The following HDX variants were observed in gnomAD, a reference collection of about 807,000 sequenced individuals.
The protein encoded by HDX is chromosome X open reading frame 43.
HDX carries 19 observed loss-of-function variants against 45.2 expected under a neutral mutation model. That is an observed-to-expected ratio of 0.42 (90% CI 0.29 to 0.62). The LOEUF is 0.62. Among genes scored for constraint, HDX ranks in the 20% least tolerant of loss-of-function variants. HDX has a pLI of 0.20. For synonymous variants in HDX, 188 were observed against 172.8 expected (o/e 1.09, Z -0.69); for missense variants, 532 against 493.9 (o/e 1.08, Z -0.73).
intron 5 of HDX, among the ~76,000 whole-genome samples, chrX:84,434,078 T>C (rs1282975807): frequency 1.8e-5 from 2 of 111,733 alleles, no homozygotes; most frequent in East Asian, 5.6e-4. Flanking sequence ...TTAAGAGTTT[T>C]GTGTTTGAGT....
At chrX:84,345,058 A>T (rs2037168113) in intron 6 of HDX, among the ~76,000 whole-genome samples, 1 of 110,730 alleles carries the variant, frequency 9.0e-6, no homozygotes. Context: ...TTGGCTCCAT[A>T]TTATTACCTT....
At chrX:84,454,981 A>G (rs1052178705) in intron 4 of HDX, among the ~76,000 whole-genome samples, 1 of 111,232 alleles carries the variant, frequency 9.0e-6, no homozygotes, top group Non-Finnish European at 1.9e-5. Flanking sequence ...GGCAGTACCT[A>G]TATGAGTCTG....
chrX:84,390,530 A>T (rs2038417345), intron 5 of HDX, among the ~76,000 whole-genome samples: 1 of 111,736 alleles, frequency 8.9e-6, no homozygotes, highest in South Asian at 3.7e-4. Flanking sequence ...CCTAGAATGG[A>T]TTTAAGAGCA....
intron 5 of HDX, among the ~76,000 whole-genome samples, chrX:84,435,843 G>C (rs1461342390): frequency 1.0e-5 from 1 of 95,916 alleles, no homozygotes; most frequent in South Asian, 5.6e-4. Flanking sequence ...CTGTAAACTA[G>C]TTCAACCATT....
intron 1 of HDX, among the ~76,000 whole-genome samples, chrX:84,501,987 A>G (rs960772584): frequency 8.9e-6 from 1 of 111,785 alleles, no homozygotes. Context: ...TAGAAGTGGT[A>G]GAATTCAATC....
At chrX:84,429,414 C>A (rs1290770124) in intron 5 of HDX, among the ~76,000 whole-genome samples, 1 of 110,300 alleles carries the variant, frequency 9.1e-6, no homozygotes, top group Non-Finnish European at 1.9e-5. Flanking sequence ...AGATTTATCC[C>A]TCAGTATTTC....
chrX:84,319,458 CT>C lies in HDX; in HGVS notation c.*2430del, dbSNP rs781430019. ...TAATTTCAATCTGGCAATTATGATTCTTTTTCTATAGATAGAGGTATTTCCT... is the reference window on the plus strand; with the variant it reads ...TAATTTCAATCTGGCAATTATGATTCTTTTCTATAGATAGAGGTATTTCCT... On this transcript the variant is annotated 3_prime_UTR_variant, in exon 11 of 11. Transcript: ENST00000373177. The C allele has an allele frequency of 4.5e-5, 5 of 111,565 alleles. No homozygotes were observed. In the South Asian group the frequency reaches 1.8e-3, roughly 41 times the overall value. The allele number at this position is 111,565 out of a possible 1,213,427, so 9.2% of individuals were successfully genotyped here.
intron 5 of HDX, among the ~76,000 whole-genome samples, chrX:84,431,308 A>G (rs111838845): frequency 0.087 from 9,604 of 110,565 alleles, 313 homozygotes; most frequent in South Asian, 0.16. Context: ...GCTGTGATGA[A>G]CATACACATG....
chrX:84,338,189 T>C (rs2147786134), intron 7 of HDX, among the ~76,000 whole-genome samples: 1 of 110,880 alleles, frequency 9.0e-6, no homozygotes, highest in South Asian at 3.7e-4. Flanking sequence ...GAGGAAAATG[T>C]GGTCGATCCA....
intron 1 of HDX, among the ~76,000 whole-genome samples, chrX:84,496,543 C>A (rs942996929): frequency 3.6e-5 from 4 of 110,329 alleles, no homozygotes; most frequent in African/African-American, 1.3e-4. Flanking sequence ...ACAATCCCTA[C>A]CTGAGGCTCC....
chrX:84,460,135 A>C (rs2040207148), intron 4 of HDX, among the ~76,000 whole-genome samples: 1 of 111,754 alleles, frequency 8.9e-6, no homozygotes, highest in African/African-American at 3.3e-5. Flanking sequence ...TTGCTACTCA[A>C]ACTATTCCAA....
chrX:84,362,969 T>A (rs1254114709), intron 5 of HDX, among the ~76,000 whole-genome samples: 2 of 111,513 alleles, frequency 1.8e-5, no homozygotes, highest in Admixed American at 1.9e-4. Flanking sequence ...GAATTCTTGG[T>A]TTACTACCAA....
intron 4 of HDX, among the ~76,000 whole-genome samples, chrX:84,464,961 A>T (rs1415586473): frequency 8.9e-5 from 10 of 112,207 alleles, no homozygotes; most frequent in African/African-American, 3.2e-4. Context: ...TCTACAAAGA[A>T]CTTAAACATA....
intron 5 of HDX, among the ~76,000 whole-genome samples, chrX:84,373,726 T>C (rs1220255904): frequency 4.5e-5 from 5 of 111,315 alleles, no homozygotes; most frequent in African/African-American, 1.6e-4. Context: ...TGCTAAAAAC[T>C]CTCAATAAAT....
At chrX:84,441,229 G>C (rs1381784573) in intron 4 of HDX, among the ~76,000 whole-genome samples, 2 of 111,502 alleles carry the variant, frequency 1.8e-5, no homozygotes. Flanking sequence ...AGATAAGGGA[G>C]GACTACTGTA....
intron 5 of HDX, among the ~76,000 whole-genome samples, chrX:84,415,745 C>T (rs150161974): frequency 0.11 from 12,831 of 112,026 alleles, 629 homozygotes; most frequent in South Asian, 0.29. Context: ...TGGACACTTA[C>T]TGATACAGAC....
At chrX:84,344,136 AC>A in intron 7 of HDX, 113 bp downstream of exon 7, 2 of 522,044 alleles carry the variant, frequency 3.8e-6, no homozygotes, top group Non-Finnish European at 6.3e-6. Flanking sequence ...TGTTTCAAAT[AC>A]TTGGCCAAAT....
intron 4 of HDX, among the ~76,000 whole-genome samples, chrX:84,440,859 A>G (rs2039746480): frequency 9.0e-6 from 1 of 110,782 alleles, no homozygotes; most frequent in South Asian, 3.8e-4. Flanking sequence ...CTCTGTTGCA[A>G]GTTTTAAAAT....
intron 3 of HDX, among the ~76,000 whole-genome samples, chrX:84,470,087 TATATC>T (rs1385593663): frequency 5.4e-5 from 6 of 112,050 alleles, no homozygotes; most frequent in African/African-American, 1.9e-4. Flanking sequence ...ATTTTATAAA[TATATC>T]ATAACTTGCT....
Sources: gnomAD v4.1 joint callset for allele counts (sites outside exome capture counted in the v4.1 genomes callset) on GRCh38, gnomAD v4.1.1 for gene constraint, MANE v1.5 for transcripts, NCBI Gene and HGNC (gene_info 2026-07-23, HGNC 2026-07-21) for gene names.